Variants in TCAF1 observed in about 807,000 individuals in gnomAD.
TCAF1 encodes the protein TRPM8 channel-associated factor 1.
Under a neutral mutation model 27.3 loss-of-function variants are expected in TCAF1, and 4 were observed. The observed-to-expected ratio is 0.15, with a 90% CI of 0.07 to 0.34. TCAF1 has a LOEUF of 0.34. Ranked by LOEUF, TCAF1 falls within the 10% of genes least tolerant of loss-of-function variation. The pLI is 1.00. For synonymous variants in TCAF1, 105 were observed against 167.1 expected, an observed-to-expected ratio of 0.63 and a Z score of 2.87; for missense variants, 257 against 425.8, an observed-to-expected ratio of 0.60 and a Z score of 3.49.
chr7:143,881,572 A>G (rs1813026705), intron 1 of TCAF1, among the ~76,000 whole-genome samples: 1 of 152,186 alleles, frequency 6.6e-6, no homozygotes, highest in African/African-American at 2.4e-5. Flanking sequence ...TATGGAATAC[A>G]TGTGGAGGGA....
chr7:143,889,293 C>A (rs1813545171), intron 1 of TCAF1, among the ~76,000 whole-genome samples: 6 of 152,130 alleles, frequency 3.9e-5, no homozygotes, highest in Admixed American at 3.9e-4. Flanking sequence ...TTGAAAGACA[C>A]CAATCCTCAG....
chr7:143,901,532 T>TC (rs1014601259), intron 1 of TCAF1, among the ~76,000 whole-genome samples: 1 of 151,636 alleles, frequency 6.6e-6, no homozygotes, highest in Non-Finnish European at 1.5e-5. Context: ...CCAGGTCCCT[T>TC]CCCCCACCAC....
intron 1 of TCAF1, among the ~76,000 whole-genome samples, chr7:143,896,097 C>T (rs1813859108): frequency 6.6e-6 from 1 of 151,464 alleles, no homozygotes; most frequent in Admixed American, 6.6e-5. Context: ...TTTTAAAAAT[C>T]CAGACTTTTA....
At chr7:143,882,542 A>T (rs1193199680) in intron 1 of TCAF1, 1 of 985,260 alleles carries the variant, frequency 1.0e-6, no homozygotes, top group Non-Finnish European at 1.2e-6. Flanking sequence ...CACCAGCAGA[A>T]ATACGGACAC....
chr7:143,882,371 C>G, intron 1 of TCAF1: 1 of 985,162 alleles, frequency 1.0e-6, no homozygotes, highest in Non-Finnish European at 1.2e-6. Context: ...AAGCCCCGGG[C>G]CTTCTCATCC....
chr7:143,890,277 G>A (rs1255499043), intron 1 of TCAF1, among the ~76,000 whole-genome samples: 1 of 152,080 alleles, frequency 6.6e-6, no homozygotes, highest in Non-Finnish European at 1.5e-5. Flanking sequence ...GCTGGGAGAA[G>A]GGCACCCATT....
chr7:143,875,804 C>G (rs1162557993), intron 2 of TCAF1, among the ~76,000 whole-genome samples, 185 bp downstream of exon 2: 2 of 152,170 alleles, frequency 1.3e-5, no homozygotes, highest in Non-Finnish European at 2.9e-5. Flanking sequence ...TTTGGGAAGA[C>G]AGGGGCAGTG....
intron 1 of TCAF1, among the ~76,000 whole-genome samples, chr7:143,892,686 A>G (rs981954475): frequency 1.3e-5 from 2 of 152,102 alleles, no homozygotes; most frequent in African/African-American, 4.8e-5. Flanking sequence ...TTGTATGTTG[A>G]AATTCTAACC....
intron 2 of TCAF1, among the ~76,000 whole-genome samples, chr7:143,868,818 CAGT>C (rs1228272378): frequency 0.018 from 586 of 32,148 alleles, 2 homozygotes; most frequent in African/African-American, 0.035. Flanking sequence ...GGAAAATGTT[CAGT>C]ATTCACCTTT....
chr7:143,895,321 A>G (rs1813821400), intron 1 of TCAF1, among the ~76,000 whole-genome samples: 1 of 151,908 alleles, frequency 6.6e-6, no homozygotes, highest in Admixed American at 6.6e-5. Context: ...ATACTTATAC[A>G]ATACTATAGA....
chr7:143,901,723 T>C (rs1027628580), intron 1 of TCAF1, among the ~76,000 whole-genome samples: 1 of 152,000 alleles, frequency 6.6e-6, no homozygotes, highest in African/African-American at 2.4e-5. Context: ...AAACAAATCC[T>C]ACGAAAATAG....
At chr7:143,878,421 G>C (rs1471345077) in intron 1 of TCAF1, among the ~76,000 whole-genome samples, 3 of 152,084 alleles carry the variant, frequency 2.0e-5, no homozygotes, top group African/African-American at 7.2e-5. Flanking sequence ...GTGTACCCTT[G>C]AGAAAGCCCT....
chr7:143,885,196 T>C, intron 1 of TCAF1: 1 of 985,570 alleles, frequency 1.0e-6, no homozygotes, highest in Non-Finnish European at 1.2e-6. Flanking sequence ...AAACCAGCTT[T>C]GGACGAGACT....
intron 2 of TCAF1, among the ~76,000 whole-genome samples, chr7:143,865,186 AG>A (rs372001627): frequency 0.58 from 59,225 of 101,750 alleles, 13,594 homozygotes; most frequent in Non-Finnish European, 0.64. Context: ...TTAATGGAGA[AG>A]GGGGGGGGTC....
intron 1 of TCAF1, among the ~76,000 whole-genome samples, chr7:143,896,281 T>C (rs1190793283): frequency 6.6e-6 from 1 of 151,954 alleles, no homozygotes; most frequent in Non-Finnish European, 1.5e-5. Flanking sequence ...GTAAGGTCCC[T>C]ACATTATGAT....
intron 1 of TCAF1, among the ~76,000 whole-genome samples, chr7:143,884,749 A>AG (rs926412064): frequency 6.6e-6 from 1 of 150,768 alleles, no homozygotes. Context: ...TTAGAAAGAA[A>AG]GGGGGGTGGA....
At chr7:143,888,629 C>T (rs1480223177) in intron 1 of TCAF1, among the ~76,000 whole-genome samples, 2 of 152,182 alleles carry the variant, frequency 1.3e-5, no homozygotes, top group Non-Finnish European at 2.9e-5. Flanking sequence ...AATTCAAAAA[C>T]CCTAAGCAAA....
chr7:143,886,447 A>G, intron 1 of TCAF1: 4 of 943,716 alleles, frequency 4.2e-6, no homozygotes, highest in Non-Finnish European at 5.1e-6. Context: ...AACTGCTCCA[A>G]CTACAGGAAG....
intron 1 of TCAF1, chr7:143,881,786 C>T (rs1272002561): frequency 6.6e-6 from 1 of 152,184 alleles, no homozygotes; most frequent in Non-Finnish European, 1.5e-5. Flanking sequence ...TACCGAACTG[C>T]CTTCTTAATT....
Sources: gnomAD v4.1 joint callset for allele counts (sites outside exome capture counted in the v4.1 genomes callset) on GRCh38, gnomAD v4.1.1 for gene constraint, MANE v1.5 for transcripts, NCBI Gene and HGNC (gene_info 2026-07-23, HGNC 2026-07-21) for gene names.